Variants in PIGK observed in about 807,000 individuals in gnomAD.
PIGK encodes the protein GPI-anchor transamidase.
Under a neutral mutation model 50.6 loss-of-function variants are expected in PIGK, and 42 were observed. That is an observed-to-expected ratio of 0.83 (90% confidence interval 0.65 to 1.07). The LOEUF (loss-of-function observed/expected upper bound fraction) is 1.07, where lower values mean the gene tolerates loss of function less well. Among genes scored for constraint, PIGK ranks in the 50% least tolerant of loss-of-function variants. PIGK has a pLI of 0.00. For missense variants in PIGK, 448 were observed against 488.7 expected (o/e 0.92, Z 0.78); for synonymous variants, 151 against 156.0 (o/e 0.97, Z 0.24).
At chr1:77,103,944 G>A (rs1197755511) in intron 10 of PIGK, among the ~76,000 whole-genome samples, 1 of 150,880 alleles carries the variant, frequency 6.6e-6, no homozygotes, top group Admixed American at 6.6e-5. Flanking sequence ...CACACTTAGA[G>A]AAATGGACAG....
chr1:77,218,487 TC>T (rs1209558826), intron 1 of PIGK, among the ~76,000 whole-genome samples: 1 of 152,212 alleles, frequency 6.6e-6, no homozygotes, highest in Non-Finnish European at 1.5e-5. Context: ...CTCTCAGGTT[TC>T]TAGCTTAGGA....
chr1:77,116,446 A>G (rs143787108), intron 10 of PIGK, among the ~76,000 whole-genome samples: 5,659 of 151,888 alleles, frequency 0.037, 205 homozygotes, highest in South Asian at 0.21. Context: ...CAGCCTCCCA[A>G]AGTGCTGGGA....
chr1:77,206,997 C>T lies in PIGK; in HGVS notation c.148-266G>A, dbSNP rs994378337. On this transcript the variant is annotated intron_variant, in intron 2 of 10. Transcript: ENST00000370812. ...GCCTGGCCAACATGGCAAAACCCCA[C>T]CTCTACTAAAAATACAAAAATTACC... Among the ~76,000 whole-genome samples the T allele has an allele frequency of 2.0e-5, 3 of 151,986 alleles. No individual in the cohort carries two copies. The South Asian group carries it at 6.2e-4, about 31-fold the overall frequency.
chr1:77,190,654 T>G (rs1259183772), intron 3 of PIGK, among the ~76,000 whole-genome samples: 1 of 152,162 alleles, frequency 6.6e-6, no homozygotes, highest in South Asian at 2.1e-4. Flanking sequence ...ATGAAAAATC[T>G]CAGTGCCTCA....
At chr1:77,172,677 A>C (rs1655392572) in intron 3 of PIGK, among the ~76,000 whole-genome samples, 1 of 152,166 alleles carries the variant, frequency 6.6e-6, no homozygotes, top group African/African-American at 2.4e-5. Context: ...TAATGCCAGC[A>C]TGTTGGGAGG....
chr1:77,097,356 T>C (rs960738746), intron 10 of PIGK, among the ~76,000 whole-genome samples: 1 of 152,168 alleles, frequency 6.6e-6, no homozygotes, highest in African/African-American at 2.4e-5. Flanking sequence ...CCTTTAGGCA[T>C]CTTCCAACTG....
At chr1:77,168,545 C>T (rs1367998787) in intron 4 of PIGK, among the ~76,000 whole-genome samples, 1 of 151,620 alleles carries the variant, frequency 6.6e-6, no homozygotes, top group African/African-American at 2.4e-5. Context: ...TGCCTAACAC[C>T]AGGCTCTAGG....
At chr1:77,174,530 T>G (rs1360888648) in intron 3 of PIGK, among the ~76,000 whole-genome samples, 1 of 152,164 alleles carries the variant, frequency 6.6e-6, no homozygotes, top group Non-Finnish European at 1.5e-5. Flanking sequence ...ACAGCTTTGG[T>G]GTGTAATAAT....
chr1:77,196,863 T>C (rs977918750), intron 3 of PIGK, among the ~76,000 whole-genome samples: 4 of 152,200 alleles, frequency 2.6e-5, no homozygotes, highest in Non-Finnish European at 5.9e-5. Context: ...TGTAATTGCT[T>C]TTGAGGACTT....
chr1:77,158,301 G>A (rs4443938), intron 8 of PIGK, among the ~76,000 whole-genome samples: 53,042 of 151,390 alleles, frequency 0.35, 10,095 homozygotes, highest in East Asian at 0.44. Context: ...ACAGGCATGA[G>A]CCACTGAGCC....
At chr1:77,098,952 T>C (rs973303483) in intron 10 of PIGK, among the ~76,000 whole-genome samples, 2 of 152,206 alleles carry the variant, frequency 1.3e-5, no homozygotes, top group African/African-American at 4.8e-5. Flanking sequence ...TTAACTTTTC[T>C]GGAAAATAAC....
intron 3 of PIGK, chr1:77,195,202 G>A (rs1464529380): frequency 5.0e-6 from 6 of 1,195,270 alleles, no homozygotes; most frequent in Non-Finnish European, 7.4e-6. Flanking sequence ...CGTGGGCGAT[G>A]AGAAAGGTGC....
intron 3 of PIGK, among the ~76,000 whole-genome samples, chr1:77,189,468 T>C (rs1570251382): frequency 6.6e-6 from 1 of 151,504 alleles, no homozygotes; most frequent in Middle Eastern, 3.4e-3. Context: ...GTTAGTACCA[T>C]CTAATCAGCT....
chr1:77,116,840 ATAAT>A (rs1302267335), intron 10 of PIGK, among the ~76,000 whole-genome samples: 1 of 152,168 alleles, frequency 6.6e-6, no homozygotes, highest in Non-Finnish European at 1.5e-5. Context: ...TTTTTGTTAA[ATAAT>A]TGTTTCATAA....
chr1:77,195,442 T>C, intron 3 of PIGK: 1 of 970,086 alleles, frequency 1.0e-6, no homozygotes, highest in Admixed American at 2.4e-5. Flanking sequence ...CAGGAATCTT[T>C]TGGTCAATAA....
chr1:77,106,935 T>G (rs1027549714), intron 10 of PIGK, among the ~76,000 whole-genome samples: 1 of 152,106 alleles, frequency 6.6e-6, no homozygotes, highest in Non-Finnish European at 1.5e-5. Flanking sequence ...AGTGGTGATA[T>G]CCCCTTTATC....
rs1261363106 is a variant in PIGK, at chr1:77,219,387, T to A, written c.16A>T (p.Ser6Cys). MAVTDSLSRAATVLAT... is the reference protein window; with the variant it reads MAVTDCLSRAATVLAT... ...AAGACAGTCGCAGCCCGGCTGAGGC[T>A]GTCGGTGACGGCCATGTTTACCGGC... Residue 6 changes from serine to cysteine, a missense_variant, in exon 1 of 11, where the codon AGC becomes TGC. By Grantham distance (112) the Ser-to-Cys change is moderately radical (BLOSUM62 -1). Transcript: ENST00000370812. The A allele has an allele frequency of 2.5e-6, 4 of 1,613,478 alleles. No individual in the cohort carries two copies. Among genetic ancestry groups the A allele is most frequent in the African/African-American group, 2.7e-5 (2 of 74,918 alleles).
chr1:77,219,365 A>C lies in PIGK; in HGVS notation c.38T>G (p.Val13Gly), dbSNP rs138493120. ...VTDSLSRAATVLATVLLLSFG... is the reference protein window; with the variant it reads ...VTDSLSRAATGLATVLLLSFG... ...GGACAAGAGCAACACAGTTGCCAAG[A>C]CAGTCGCAGCCCGGCTGAGGCTGTC... The change falls in exon 1 of 11, where the codon GTC becomes GGC. Residue 13 changes from valine (V) to glycine (G), a missense_variant. Transcript: ENST00000370812. 4.3e-6 allele frequency: 7 copies of C among 1,613,812 alleles called. No homozygotes were observed. The highest frequency in any genetic ancestry group is 5.1e-6 in the Non-Finnish European group (6 of 1,179,824).
chr1:77,115,760 T>C (rs1476567492), intron 10 of PIGK, among the ~76,000 whole-genome samples: 1 of 152,172 alleles, frequency 6.6e-6, no homozygotes, highest in Non-Finnish European at 1.5e-5. Context: ...TCCAAGAAAC[T>C]AAATCTGTAA....
Sources: allele counts gnomAD v4.1 joint callset (sites outside exome capture counted in the v4.1 genomes callset), GRCh38; gene constraint gnomAD v4.1.1; transcripts MANE v1.5; gene names NCBI Gene and HGNC (gene_info 2026-07-23, HGNC 2026-07-21).